The following TENM2 variants were observed in gnomAD, a reference collection of about 807,000 sequenced individuals.
TENM2 encodes teneurin-2.
TENM2 carries 52 observed loss-of-function variants against 245.2 expected under a neutral mutation model. The observed-to-expected ratio is 0.21, with a 90% confidence interval of 0.17 to 0.27. The LOEUF (loss-of-function observed/expected upper bound fraction) is 0.27, where lower values mean the gene tolerates loss of function less well. Ranked by LOEUF, TENM2 falls within the 10% of genes least tolerant of loss-of-function variation. TENM2 has a pLI of 1.00. For missense variants in TENM2, 3,046 were observed against 3,666.8 expected, an observed-to-expected ratio of 0.83 and a Z score of 4.37; for synonymous variants, 1,363 against 1,438.9, an observed-to-expected ratio of 0.95 and a Z score of 1.19.
intron 2 of TENM2, among the ~76,000 whole-genome samples, chr5:167,593,707 T>C (rs1369681665): frequency 6.6e-6 from 1 of 152,224 alleles, no homozygotes; most frequent in Non-Finnish European, 1.5e-5. Context: ...ACTCCATTCT[T>C]TGGGTCTGTC....
At chr5:167,833,425 C>A (rs1278955223) in intron 2 of TENM2, among the ~76,000 whole-genome samples, 6 of 152,088 alleles carry the variant, frequency 3.9e-5, no homozygotes, top group African/African-American at 1.4e-4. Flanking sequence ...TCTTCCAGAG[C>A]AAAAGGAACA....
intron 2 of TENM2, among the ~76,000 whole-genome samples, chr5:167,620,146 G>A (rs1202069348): frequency 6.6e-6 from 1 of 152,132 alleles, no homozygotes; most frequent in African/African-American, 2.4e-5. Flanking sequence ...AGGGCAGCCT[G>A]AGCATCTGCA....
chr5:168,155,487 GT>G (rs1405086553), intron 12 of TENM2, among the ~76,000 whole-genome samples: 2 of 151,936 alleles, frequency 1.3e-5, no homozygotes, highest in Non-Finnish European at 2.9e-5. Context: ...CTACCTTCGT[GT>G]CTCCTGCACC....
chr5:167,321,898 G>A (rs996568533), intron 1 of TENM2, among the ~76,000 whole-genome samples: 4 of 146,194 alleles, frequency 2.7e-5, no homozygotes, highest in Admixed American at 7.1e-5. Flanking sequence ...TGCAGATCTC[G>A]GCTCACTGCA....
intron 2 of TENM2, among the ~76,000 whole-genome samples, chr5:167,525,008 A>G (rs1347466465): frequency 6.6e-6 from 1 of 152,026 alleles, no homozygotes; most frequent in Non-Finnish European, 1.5e-5. Context: ...GTATTTCCCA[A>G]CCTGGTGCTG....
At chr5:168,052,585 C>T (rs1789201565) in intron 6 of TENM2, among the ~76,000 whole-genome samples, 1 of 152,068 alleles carries the variant, frequency 6.6e-6, no homozygotes, top group Non-Finnish European at 1.5e-5. Context: ...TAACCAAACC[C>T]CAGATGAGGA....
the TENM2 span, among the ~76,000 whole-genome samples, chr5:167,155,209 G>A: frequency 6.6e-6 from 1 of 152,196 alleles, no homozygotes; most frequent in Admixed American, 6.6e-5. Context: ...TCACGTATTC[G>A]GCAACCTGCC....
chr5:167,496,426 GAAC>G (rs1363041253), intron 2 of TENM2, among the ~76,000 whole-genome samples: 1 of 152,042 alleles, frequency 6.6e-6, no homozygotes, highest in African/African-American at 2.4e-5. Flanking sequence ...AACTCCTCCT[GAAC>G]AACAACAATC....
chr5:168,125,722 G>C (rs1435773488), intron 11 of TENM2, among the ~76,000 whole-genome samples: 1 of 151,392 alleles, frequency 6.6e-6, no homozygotes, highest in African/African-American at 2.4e-5. Context: ...CCTACAATGG[G>C]AAAGAAATGA....
intron 2 of TENM2, among the ~76,000 whole-genome samples, chr5:167,699,931 A>G (rs1457928242): frequency 6.6e-6 from 1 of 152,218 alleles, no homozygotes; most frequent in African/African-American, 2.4e-5. Context: ...TCACATAGCT[A>G]GAAATGGAGA....
At chr5:167,087,438 G>T in the TENM2 span, among the ~76,000 whole-genome samples, 1 of 152,066 alleles carries the variant, frequency 6.6e-6, no homozygotes, top group Non-Finnish European at 1.5e-5. Context: ...AAATCAACTT[G>T]TTCTATTATT....
chr5:167,828,532 A>G (rs1768182225), intron 2 of TENM2, among the ~76,000 whole-genome samples: 1 of 152,212 alleles, frequency 6.6e-6, no homozygotes, highest in South Asian at 2.1e-4. Flanking sequence ...GAAGTAACTG[A>G]CACTTAATAT....
rs553532768 is a variant in TENM2, at chr5:167,343,094, TG to T, written c.227-32103del. Among the ~76,000 whole-genome samples the T allele has an allele frequency of 7.6e-4, 115 of 152,308 alleles. 1 individual carries two copies. Among genetic ancestry groups the T allele is most frequent in the Middle Eastern group, 6.8e-3 (2 of 294 alleles). On this transcript the variant is annotated intron_variant, in intron 1 of 28. Coordinates refer to ENST00000518659, the Ensembl canonical transcript of TENM2. ...CAAGTTAATACTATTTTATTTACTT[TG>T]TTGCTCAAGTTGTTCCAGCTTTGGT...
At chr5:167,431,961 G>GTATATATATATA (rs112010521) in intron 2 of TENM2, among the ~76,000 whole-genome samples, 3,651 of 43,310 alleles carry the variant, frequency 0.084, 91 homozygotes, top group Non-Finnish European at 0.092. Context: ...ATATATATAT[G>GTATATATATATA]TATATATATA....
intron 2 of TENM2, among the ~76,000 whole-genome samples, chr5:167,412,845 T>G (rs1281199268): frequency 6.7e-6 from 1 of 149,096 alleles, no homozygotes; most frequent in Non-Finnish European, 1.5e-5. Context: ...CTTAGGGAGA[T>G]GAGTGCAGAG....
chr5:167,338,240 G>GTCCTGT (rs1757893711), intron 1 of TENM2, among the ~76,000 whole-genome samples: 1 of 152,146 alleles, frequency 6.6e-6, no homozygotes, highest in Non-Finnish European at 1.5e-5. Flanking sequence ...CAGGACTAAA[G>GTCCTGT]GGTTTTTGTT....
At chr5:167,382,202 G>A (rs1761131022) in intron 2 of TENM2, among the ~76,000 whole-genome samples, 1 of 152,080 alleles carries the variant, frequency 6.6e-6, no homozygotes, top group African/African-American at 2.4e-5. Context: ...AAAACCCCAG[G>A]GCTTTTCAGG....
At chr5:167,966,721 A>G (rs1781411203) in intron 4 of TENM2, among the ~76,000 whole-genome samples, 2 of 152,212 alleles carry the variant, frequency 1.3e-5, no homozygotes, top group South Asian at 4.1e-4. Context: ...TTTCTGACAG[A>G]ATCACTGACA....
intron 2 of TENM2, among the ~76,000 whole-genome samples, chr5:167,620,062 G>A (rs960073926): frequency 2.6e-5 from 4 of 152,162 alleles, no homozygotes; most frequent in Admixed American, 2.0e-4. Context: ...GTAGGGTTGT[G>A]TTAAATGTGA....
Sources: allele counts gnomAD v4.1 joint callset (sites outside exome capture counted in the v4.1 genomes callset), GRCh38; gene constraint gnomAD v4.1.1; transcripts MANE v1.5; gene names NCBI Gene and HGNC (gene_info 2026-07-23, HGNC 2026-07-21).